The following ODAD1 variants were observed in gnomAD, a reference collection of about 807,000 sequenced individuals.
The protein encoded by ODAD1 is outer dynein arm-docking complex subunit 1.
ODAD1 carries 49 observed loss-of-function variants against 67.2 expected under a neutral mutation model. The ratio of observed to expected loss-of-function variants is 0.73; its 90% CI spans 0.58 to 0.92. The LOEUF is 0.92. Ranked by LOEUF, ODAD1 falls within the 40% of genes least tolerant of loss-of-function variation. ODAD1 has a pLI of 0.00. For missense variants in ODAD1, 897 were observed against 953.7 expected, an observed-to-expected ratio of 0.94 and a Z score of 0.78; for synonymous variants, 345 against 393.7, an observed-to-expected ratio of 0.88 and a Z score of 1.46.
At position 48,304,016 on chromosome 19, in the gene ODAD1, G is replaced by A; in HGVS notation, c.790C>T (p.Leu264Phe). The change falls in exon 9 of 16, where the codon CTC becomes TTC. Residue 264 changes from leucine (L) to phenylalanine (F), a missense_variant. Coordinates refer to ENST00000674294, the MANE Select transcript of ODAD1 (RefSeq NM_001364171.2). The stretch of plus-strand genomic sequence containing the variant: ...TGCCGGTCGTTGTTCTTGAGCTTGA[G>A]GAAGTGGTGCAGCTGCTCCAGGTGC... ...ILHLEQLHHF[L>F]KLKNNDRQPD... The A allele has an allele frequency of 5.0e-6, 8 of 1,614,234 alleles. No homozygotes were observed. The highest frequency in any genetic ancestry group is 6.8e-6 in the Non-Finnish European group (8 of 1,180,030).
chr19:48,298,915 G>A (rs1968381158), intron 12 of ODAD1, among the ~76,000 whole-genome samples: 1 of 152,216 alleles, frequency 6.6e-6, no homozygotes, highest in Non-Finnish European at 1.5e-5. Flanking sequence ...GCAGGAAGGA[G>A]GACCTGCCCA....
At chr19:48,313,874 T>A (rs1968832838) in intron 5 of ODAD1, among the ~76,000 whole-genome samples, 1 of 151,066 alleles carries the variant, frequency 6.6e-6, no homozygotes, top group African/African-American at 2.4e-5. Context: ...CAGAGGGAGA[T>A]CCTGTCTCAA....
At chr19:48,297,882 C>A in intron 14 of ODAD1, 118 bp downstream of exon 14, 1 of 874,678 alleles carries the variant, frequency 1.1e-6, no homozygotes, top group South Asian at 1.7e-5. Flanking sequence ...TTCTAACCCC[C>A]CAGGGCCACA....
chr19:48,307,492 G>A (rs1346531063), intron 7 of ODAD1, among the ~76,000 whole-genome samples: 1 of 152,002 alleles, frequency 6.6e-6, no homozygotes. Context: ...CCAGAGGAAG[G>A]GCCTCAAAGC....
chr19:48,315,125 G>A (rs538311670), intron 5 of ODAD1, among the ~76,000 whole-genome samples: 7 of 151,046 alleles, frequency 4.6e-5, no homozygotes, highest in African/African-American at 1.2e-4. Flanking sequence ...CACCCAGGCC[G>A]AGTGCAGTGG....
chr19:48,315,372 C>T (rs1359476441), intron 5 of ODAD1, among the ~76,000 whole-genome samples: 1 of 152,140 alleles, frequency 6.6e-6, no homozygotes, highest in Non-Finnish European at 1.5e-5. Flanking sequence ...TGGCGAAACC[C>T]CGTCTCTACT....
At chr19:48,297,562 GC>G (rs1489901465) in intron 15 of ODAD1, 27 bp downstream of exon 15, 3 of 1,588,782 alleles carry the variant, frequency 1.9e-6, no homozygotes, top group Non-Finnish European at 2.6e-6. Flanking sequence ...CTGAGGCCTG[GC>G]CCCACCCCCG....
chr19:48,298,468 T>C (rs1258596108), intron 12 of ODAD1, 128 bp from the exon 13 acceptor site: 2 of 896,708 alleles, frequency 2.2e-6, no homozygotes, highest in African/African-American at 3.3e-5. Context: ...CAAAAGGGAG[T>C]CACCCGAGCT....
At chr19:48,320,001 A>G in intron 3 of ODAD1, 1 of 1,027,992 alleles carries the variant, frequency 9.7e-7, no homozygotes, top group Non-Finnish European at 1.2e-6. Flanking sequence ...AGCCTACTCT[A>G]GCCACATTCT....
At chr19:48,297,819 C>A in intron 14 of ODAD1, 151 bp from the exon 15 acceptor site, 1 of 868,238 alleles carries the variant, frequency 1.2e-6, no homozygotes, top group Non-Finnish European at 1.7e-6. Flanking sequence ...CATCCTCCCA[C>A]ACAGGTGCCA....
At chr19:48,301,606 G>A (rs1279494720) in intron 12 of ODAD1, among the ~76,000 whole-genome samples, 1 of 152,182 alleles carries the variant, frequency 6.6e-6, no homozygotes, top group African/African-American at 2.4e-5. Flanking sequence ...CTAAGACTAG[G>A]AAGACAAAAG....
At chr19:48,310,396 A>G (rs1968725534) in intron 7 of ODAD1, among the ~76,000 whole-genome samples, 1 of 152,182 alleles carries the variant, frequency 6.6e-6, no homozygotes, top group South Asian at 2.1e-4. Context: ...GAGATTCTGG[A>G]CCGGAGCCTA....
At chr19:48,304,806 T>C (rs999189687) in intron 8 of ODAD1, among the ~76,000 whole-genome samples, 1 of 152,180 alleles carries the variant, frequency 6.6e-6, no homozygotes, top group African/African-American at 2.4e-5. Flanking sequence ...AAATTCTCTT[T>C]GTTGGCTAAA....
chr19:48,318,502 T>C lies in ODAD1; in HGVS notation c.245A>G (p.Lys82Arg), dbSNP rs1968960304. The change falls in exon 5 of 16, where the codon AAG becomes AGG. Residue 82 changes from lysine to arginine, a missense_variant. Coordinates refer to ENST00000674294, the MANE Select transcript of ODAD1 (RefSeq NM_001364171.2). The stretch of plus-strand genomic sequence containing the variant: ...CAGCCGCTGACTGTCCCGAAGCCGC[T>C]TGACCTGGTTCTGGGCTGCGCTGAT... ...VQISAAQNQV[K>R]RLRDSQRLEN... 1.9e-6 allele frequency: 3 copies of C among 1,551,522 alleles called. No homozygotes were observed. Among genetic ancestry groups the C allele is most frequent in the Non-Finnish European group, 1.7e-6 (2 of 1,146,990 alleles).
chr19:48,305,249 C>T (rs1429214767), intron 8 of ODAD1, among the ~76,000 whole-genome samples: 1 of 152,170 alleles, frequency 6.6e-6, no homozygotes, highest in Non-Finnish European at 1.5e-5. Flanking sequence ...GAAGCCAACA[C>T]CTAAAGCAGC....
intron 8 of ODAD1, among the ~76,000 whole-genome samples, chr19:48,305,031 G>A (rs1363215349): frequency 1.3e-5 from 2 of 152,224 alleles, no homozygotes; most frequent in Non-Finnish European, 2.9e-5. Flanking sequence ...AACAGAGAGA[G>A]AGAAAGAGAG....
intron 2 of ODAD1, 47 bp from the exon 3 acceptor site, chr19:48,320,438 G>T: frequency 1.8e-6 from 2 of 1,090,442 alleles, no homozygotes; most frequent in Non-Finnish European, 2.4e-6. Flanking sequence ...GGCGGGCCAG[G>T]GCCCAGAGAG....
chr19:48,301,939 G>C (rs979514065), intron 12 of ODAD1, among the ~76,000 whole-genome samples: 1 of 151,830 alleles, frequency 6.6e-6, no homozygotes, highest in Non-Finnish European at 1.5e-5. Context: ...TGAAGGAATA[G>C]ACCCTGGATA....
chr19:48,298,411 G>A, intron 12 of ODAD1, 71 bp from the exon 13 acceptor site: 4 of 1,492,824 alleles, frequency 2.7e-6, no homozygotes, highest in East Asian at 2.3e-5. Flanking sequence ...CCCCACTCAG[G>A]TCCTCACTGC....
Sources: gnomAD v4.1 joint callset for allele counts (sites outside exome capture counted in the v4.1 genomes callset) on GRCh38, gnomAD v4.1.1 for gene constraint, MANE v1.5 for transcripts, NCBI Gene and HGNC (gene_info 2026-07-23, HGNC 2026-07-21) for gene names.